The following PARD3 variants were observed in gnomAD, a reference collection of about 807,000 sequenced individuals.
PARD3 encodes partitioning defective 3 homolog.
Under a neutral mutation model 155.4 loss-of-function variants are expected in PARD3, and 75 were observed. The ratio of observed to expected loss-of-function variants is 0.48; its 90% confidence interval spans 0.40 to 0.58. PARD3 has a LOEUF of 0.58. Among genes scored for constraint, PARD3 ranks in the 20% least tolerant of loss-of-function variants. The probability of loss-of-function intolerance (pLI) is 0.00; values close to 1 mark genes in which losing one functional copy is unlikely to be tolerated. For synonymous variants in PARD3, 576 were observed against 610.5 expected (o/e 0.94, Z 0.83); for missense variants, 1,642 against 1,721.7 (o/e 0.95, Z 0.82).
chr10:34,588,020 G>A (rs1191901778), intron 2 of PARD3, among the ~76,000 whole-genome samples: 10 of 152,086 alleles, frequency 6.6e-5, no homozygotes, highest in African/African-American at 2.4e-4. Flanking sequence ...GATGAAGCAG[G>A]GACCCCTCTT....
At chr10:34,318,145 G>A (rs1958130109) in intron 19 of PARD3, among the ~76,000 whole-genome samples, 1 of 152,088 alleles carries the variant, frequency 6.6e-6, no homozygotes, top group South Asian at 2.1e-4. Context: ...CATGGTCCAA[G>A]GGCACTTCAA....
chr10:34,323,922 AGCTGAAG>A (rs1226661102), intron 19 of PARD3, among the ~76,000 whole-genome samples: 2 of 152,236 alleles, frequency 1.3e-5, no homozygotes, highest in East Asian at 3.9e-4. Context: ...TTTAAAATGA[AGCTGAAG>A]GCTTTTTAAA....
At chr10:34,312,730 C>A (rs1214971120) in intron 20 of PARD3, among the ~76,000 whole-genome samples, 1 of 152,102 alleles carries the variant, frequency 6.6e-6, no homozygotes, top group African/African-American at 2.4e-5. Context: ...TAGCTTTCTG[C>A]AGTGATAGGT....
chr10:34,438,251 C>T (rs773963), intron 5 of PARD3, among the ~76,000 whole-genome samples: 80,819 of 152,096 alleles, frequency 0.53, 24,363 homozygotes, highest in Non-Finnish European at 0.68. Context: ...TCCATCATAT[C>T]AAGATTTAAA....
At chr10:34,245,046 C>T (rs778272449) in intron 22 of PARD3, among the ~76,000 whole-genome samples, 5 of 150,304 alleles carry the variant, frequency 3.3e-5, no homozygotes, top group African/African-American at 7.5e-5. Context: ...AAGAAGATGT[C>T]GGGAGAACAC....
At chr10:34,758,334 A>G (rs1193572319) in intron 1 of PARD3, among the ~76,000 whole-genome samples, 1 of 152,194 alleles carries the variant, frequency 6.6e-6, no homozygotes, top group Non-Finnish European at 1.5e-5. Context: ...TATGCTCCCC[A>G]TTTTACAGAT....
At chr10:34,437,116 G>T (rs1326063530) in intron 5 of PARD3, among the ~76,000 whole-genome samples, 1 of 152,076 alleles carries the variant, frequency 6.6e-6, no homozygotes, top group African/African-American at 2.4e-5. Context: ...CCTATAGTCT[G>T]AAGAGTTATA....
At chr10:34,273,258 A>T (rs1340164424) in intron 21 of PARD3, among the ~76,000 whole-genome samples, 1 of 152,200 alleles carries the variant, frequency 6.6e-6, no homozygotes, top group African/African-American at 2.4e-5. Context: ...TTAAAAACAA[A>T]AAAAACAAAA....
chr10:34,114,303 G>A (rs1042110921), intron 24 of PARD3, among the ~76,000 whole-genome samples: 6 of 152,040 alleles, frequency 3.9e-5, no homozygotes, highest in Non-Finnish European at 7.4e-5. Flanking sequence ...GACTTAGGGA[G>A]GCATCTTTTT....
At chr10:34,698,938 T>G (rs757203809) in intron 1 of PARD3, among the ~76,000 whole-genome samples, 1 of 152,168 alleles carries the variant, frequency 6.6e-6, no homozygotes, top group East Asian at 1.9e-4. Flanking sequence ...ATAACCCCAT[T>G]CCAATCAGGC....
At chr10:34,501,334 C>T (rs1302208376) in intron 3 of PARD3, among the ~76,000 whole-genome samples, 1 of 152,108 alleles carries the variant, frequency 6.6e-6, no homozygotes, top group Non-Finnish European at 1.5e-5. Flanking sequence ...GCCCGACTTG[C>T]TCCTGCTTTC....
intron 1 of PARD3, among the ~76,000 whole-genome samples, chr10:34,807,773 AAAAT>A (rs989558947): frequency 1.2e-3 from 185 of 152,294 alleles, no homozygotes; most frequent in African/African-American, 4.1e-3. Context: ...TTAGGTGAAA[AAAAT>A]AAATAATTGA....
At chr10:34,191,682 G>T (rs1950715719) in intron 22 of PARD3, among the ~76,000 whole-genome samples, 1 of 152,026 alleles carries the variant, frequency 6.6e-6, no homozygotes, top group African/African-American at 2.4e-5. Flanking sequence ...TGGGAGCCTA[G>T]GGGGAGGGAG....
At chr10:34,487,304 C>T (rs1187808804) in intron 3 of PARD3, among the ~76,000 whole-genome samples, 3 of 152,144 alleles carry the variant, frequency 2.0e-5, no homozygotes, top group Middle Eastern at 6.8e-3. Flanking sequence ...CTGGTACTTT[C>T]TCATCTGTCT....
At chr10:34,218,678 G>T (rs1952128331) in intron 22 of PARD3, among the ~76,000 whole-genome samples, 1 of 151,992 alleles carries the variant, frequency 6.6e-6, no homozygotes, top group African/African-American at 2.4e-5. Flanking sequence ...TGAAGAAGTT[G>T]GAAGAGGAAG....
At chr10:34,514,148 T>C (rs1052796550) in intron 3 of PARD3, among the ~76,000 whole-genome samples, 3 of 152,198 alleles carry the variant, frequency 2.0e-5, no homozygotes, top group African/African-American at 4.8e-5. Flanking sequence ...ATACTCTATA[T>C]ATTTTTCTCA....
intron 1 of PARD3, among the ~76,000 whole-genome samples, chr10:34,744,914 G>A (rs951445460): frequency 1.2e-4 from 18 of 152,214 alleles, no homozygotes; most frequent in Admixed American, 1.3e-4. Context: ...TGGACTGAAG[G>A]AAGTGGGTGC....
In PARD3 at chr10:34,431,902, C is replaced by CGTG. The variant is rs542385280; in HGVS notation, c.714+18412_714+18414dup. On this transcript the variant is annotated intron_variant, in intron 5 of 24. Coordinates refer to ENST00000374788, the MANE Select transcript of PARD3 (RefSeq NM_001184785.2). ...GTATCTACTAAAAAAATTAGCTGGG[C>CGTG]GTGGTGGCGGGCACCTGTAGTCCCA... Among the ~76,000 whole-genome samples, 354 of 150,378 alleles carry CGTG rather than the reference C, an allele frequency of 2.4e-3. 1 individual carries two copies. The highest frequency in any genetic ancestry group is 8.4e-3 in the African/African-American group (344 of 40,980).
intron 5 of PARD3, among the ~76,000 whole-genome samples, chr10:34,430,165 G>C (rs1204918830): frequency 1.3e-5 from 2 of 152,308 alleles, no homozygotes; most frequent in East Asian, 3.9e-4. Flanking sequence ...GCATGTTCTT[G>C]AATTATTGGC....
Sources: allele counts gnomAD v4.1 joint callset (sites outside exome capture counted in the v4.1 genomes callset), GRCh38; gene constraint gnomAD v4.1.1; transcripts MANE v1.5; gene names NCBI Gene and HGNC (gene_info 2026-07-23, HGNC 2026-07-21).